ATP2A3: variants seen among roughly 807,000 people sequenced by gnomAD.
ATP2A3 encodes ATPase sarcoplasmic/endoplasmic reticulum Ca2+ transporting 3.
Under a neutral mutation model 106.8 loss-of-function variants are expected in ATP2A3, and 61 were observed. The ratio of observed to expected loss-of-function variants is 0.57; its 90% CI spans 0.46 to 0.71. ATP2A3 has a LOEUF of 0.71. Ranked by LOEUF, ATP2A3 falls within the 30% of genes least tolerant of loss-of-function variation. The pLI is 0.00. For synonymous variants in ATP2A3, 611 were observed against 609.3 expected (o/e 1.00, Z -0.04); for missense variants, 1,201 against 1,423.5 (o/e 0.84, Z 2.52).
Position 3,928,003 on chromosome 17 carries a change from C to A in ATP2A3, c.2980+660G>T. 2 of 1,614,068 alleles carry A rather than the reference C, an allele frequency of 1.2e-6. No homozygotes were observed. The highest frequency in any genetic ancestry group is 8.5e-7 in the Non-Finnish European group (1 of 1,180,026). On this transcript the variant is annotated intron_variant, in intron 20 of 20. Coordinates refer to ENST00000397041, the MANE Select transcript of ATP2A3 (RefSeq NM_005173.4). The surrounding 1 kb of genome is among the most constrained non-coding windows in gnomAD (Gnocchi z 6.1). ...CACCCCTGCTTCCTCCCTCTCTGAG[C>A]AGCTCTGACAGCGAGACGATGCTGT...
rs1356967731 is a variant in ATP2A3, at chr17:3,947,780, G to A, written c.706C>T (p.Arg236Trp). 6.2e-6 allele frequency: 10 copies of A among 1,602,590 alleles called. No individual in the cohort carries two copies. Among genetic ancestry groups the A allele is most frequent in the Admixed American group, 1.7e-5 (1 of 59,988 alleles). ...GGCTCGACTGCCGCCATCTGGCTCC[G>A]GATCTTGCCCAGCTCCGTGTGCAGG... is the stretch of plus-strand genomic sequence containing the variant. ...TGLHTELGKIRSQMAAVEPER... is the reference protein window; with the variant it reads ...TGLHTELGKIWSQMAAVEPER... Residue 236 changes from arginine to tryptophan, a missense_variant, in exon 8 of 21, where the codon CGG (arginine) becomes TGG (tryptophan). By Grantham distance (101) the Arg-to-Trp change is moderately radical. Coordinates refer to ENST00000397041, the MANE Select transcript of ATP2A3 (RefSeq NM_005173.4). The surrounding 1 kb of genome is among the most constrained non-coding windows in gnomAD (Gnocchi z 7.7).
rs141799758 is a variant in ATP2A3 at position 3,925,426 on chromosome 17, T to C, written c.2996A>G (p.Lys999Arg). ...RNHMHEEMSQ[K>R] ...ACTCCACTCTGTTCCCAGCGCTCAC[T>C]TCTGGCTCATTTCTTCTGGAAGAAA... The change falls in exon 21 of 21, where the codon AAG becomes AGG. Residue 999 changes from lysine to arginine, a missense_variant. Coordinates refer to ENST00000397041, the MANE Select transcript of ATP2A3 (RefSeq NM_005173.4). The surrounding 1 kb of genome is among the most constrained non-coding windows in gnomAD (Gnocchi z 4.2). 10 of 1,613,696 alleles carry C rather than the reference T, an allele frequency of 6.2e-6. No individual in the cohort carries two copies. Among genetic ancestry groups the C allele is most frequent in the African/African-American group, 2.7e-5 (2 of 74,888 alleles).
At position 3,964,167 on chromosome 17, in the gene ATP2A3, C is replaced by T; in HGVS notation, c.118+7G>A. On this transcript the variant is annotated splice_region_variant and intron_variant, in intron 1 of 20. Transcript: ENST00000397041. ...GCTCCCCGGCCCGGCCCGGCCCGCG[C>T]GCTCACCGTTGGGGCCGTAGCGCTC... 2 of 1,163,848 alleles carry T rather than the reference C, an allele frequency of 1.7e-6. No individual in the cohort carries two copies. The highest frequency in any genetic ancestry group is 6.4e-5 in the South Asian group (2 of 31,444). The allele number at this position is 1,163,848 out of a possible 1,614,324, so 72.1% of individuals were successfully genotyped here.
chr17:3,947,362 ACAG>A lies in ATP2A3; in HGVS notation c.1095+26_1095+28del. 6.2e-7 allele frequency: 1 copy of A among 1,613,188 alleles called. No individual in the cohort carries two copies. The highest frequency in any genetic ancestry group is 8.5e-7 in the Non-Finnish European group (1 of 1,179,798). On this transcript the variant is annotated intron_variant, in intron 8 of 20. Coordinates refer to ENST00000397041, the MANE Select transcript of ATP2A3 (RefSeq NM_005173.4). The surrounding 1 kb of genome is among the most constrained non-coding windows in gnomAD (Gnocchi z 7.7). ...GGGAGCCCAGCCTGCTCTGCAACGC[ACAG>A]CAACACCAAGCTGGCCGTCACTCAC...
At chr17:3,960,183 C>T (rs1015528309) in intron 1 of ATP2A3, among the ~76,000 whole-genome samples, 2 of 152,222 alleles carry the variant, frequency 1.3e-5, no homozygotes, top group Admixed American at 1.3e-4. Flanking sequence ...TGCCACCCAG[C>T]AAGCAGGGCC....
Position 3,930,159 on chromosome 17 carries a change from CCT to C in ATP2A3, c.2744+140_2744+141del. ...AGACACTGATACTGGAACCCCCAGC[CCT>C]CAGCCCCCACTCCTCGGCCCCAGCT... On this transcript the variant is annotated intron_variant, in intron 18 of 20. Coordinates refer to ENST00000397041, the MANE Select transcript of ATP2A3 (RefSeq NM_005173.4). The surrounding 1 kb of genome is among the most constrained non-coding windows in gnomAD (Gnocchi z 5.4). 7.9e-6 allele frequency: 10 copies of C among 1,264,514 alleles called. No homozygotes were observed. Among genetic ancestry groups the C allele is most frequent in the Non-Finnish European group, 8.7e-6 (8 of 922,760 alleles). The allele number at this position is 1,264,514 out of a possible 1,614,324, so 78.3% of individuals were successfully genotyped here.
At chr17:3,963,181 ACCTTCC>A (rs1418435521) in intron 1 of ATP2A3, among the ~76,000 whole-genome samples, 2 of 152,228 alleles carry the variant, frequency 1.3e-5, no homozygotes, top group African/African-American at 4.8e-5. Context: ...GGGCTAGAAT[ACCTTCC>A]CCTCTGGCTG....
In ATP2A3 at chr17:3,941,036, C is replaced by G; in HGVS notation, c.2035G>C (p.Val679Leu). ...ATGCGGGACTTGTGTGCGGGCTCCA[C>G]GCGGGCGAAGCAGCGGGCGGTGCGG... ...ACRTARCFAR[V>L]EPAHKSRIVE... is the part of the protein sequence containing the mutation. Residue 679 changes from valine (V) to leucine (L), a missense_variant, in exon 14 of 21, where the codon GTG becomes CTG. Val to Leu is a conservative substitution (Grantham distance 32, BLOSUM62 1). This residue lies in a region of ATP2A3 where 935 missense variants were observed against 1,176.7 expected (regional missense o/e 0.79). Coordinates refer to ENST00000397041, the MANE Select transcript of ATP2A3 (RefSeq NM_005173.4). 1 of 1,613,872 alleles carries G rather than the reference C, an allele frequency of 6.2e-7. No individual in the cohort carries two copies. Among genetic ancestry groups the G allele is most frequent in the South Asian group, 1.1e-5 (1 of 91,088 alleles).
At chr17:3,963,903 G>A (rs1597697716) in intron 1 of ATP2A3, among the ~76,000 whole-genome samples, 1 of 152,134 alleles carries the variant, frequency 6.6e-6, no homozygotes, top group Non-Finnish European at 1.5e-5. Context: ...GGACGGGGCC[G>A]GAGTGGAGGT....
At position 3,930,829 on chromosome 17, in the gene ATP2A3, C is replaced by T. The variant is rs191147084; in HGVS notation, c.2611-395G>A. On this transcript the variant is annotated intron_variant, in intron 17 of 20. Transcript: ENST00000397041. This position sits in a 1 kb window ranked among gnomAD's most constrained non-coding sequence, Gnocchi z 5.4. ...TTTGCGGTATAGAAGATGAAGGCTA[C>T]GCAGGCCCTGTTCACTGTTATTAAG... is the stretch of plus-strand genomic sequence containing the variant. 24 of 350,398 alleles carry T rather than the reference C, an allele frequency of 6.8e-5. No individual in the cohort carries two copies. The highest frequency in any genetic ancestry group is 2.8e-4 in the African/African-American group (13 of 46,918). The allele number at this position is 350,398 out of a possible 1,614,324, so 21.7% of individuals were successfully genotyped here. A position where few individuals can be genotyped will look rare whatever the true frequency, so the allele number is the denominator to read the frequency against.
chr17:3,943,558 G>T (rs760260496), intron 10 of ATP2A3, 36 bp from the exon 11 acceptor site: 3 of 1,613,420 alleles, frequency 1.9e-6, no homozygotes, highest in Non-Finnish European at 1.7e-6. Context: ...GTGAGGGGCA[G>T]GCAGCCTCCA....
intron 1 of ATP2A3, 27 bp downstream of exon 1, chr17:3,964,147 C>A: frequency 1.8e-6 from 2 of 1,099,442 alleles, no homozygotes; most frequent in Non-Finnish European, 2.2e-6. Context: ...CCCCCGCTCC[C>A]CGGCCCGGCC....
intron 1 of ATP2A3, among the ~76,000 whole-genome samples, chr17:3,954,205 G>A (rs875992): frequency 1.1e-3 from 174 of 152,076 alleles, no homozygotes; most frequent in South Asian, 2.3e-3. Context: ...GGCGCCTTCC[G>A]CTCACCCTGC....
At position 3,924,413 on chromosome 17, in the gene ATP2A3, GC is replaced by G. The variant is rs1181884490; in HGVS notation, c.*1008del. Reference sequence around the variant, plus strand: ...AGCCATCCTTAGTGACATCCTTTCGGCTCATGGGTGTCGTGGGGAGGGGGCA... The same window carrying G: ...AGCCATCCTTAGTGACATCCTTTCGGTCATGGGTGTCGTGGGGAGGGGGCA... On this transcript the variant is annotated 3_prime_UTR_variant, in exon 21 of 21. Coordinates refer to ENST00000397041, the MANE Select transcript of ATP2A3 (RefSeq NM_005173.4). The surrounding 1 kb of genome is among the most constrained non-coding windows in gnomAD (Gnocchi z 6.4). 9.8e-6 allele frequency: 2 copies of G among 204,340 alleles called. No homozygotes were observed. Among genetic ancestry groups the G allele is most frequent in the Non-Finnish European group, 2.0e-5 (2 of 97,968 alleles). 12.7% of individuals were successfully genotyped at this position (204,340 alleles called of 1,614,324 possible).
At position 3,928,806 on chromosome 17, in the gene ATP2A3, G is replaced by A; in HGVS notation, c.2863-26C>T. 2.6e-6 allele frequency: 4 copies of A among 1,532,446 alleles called. No homozygotes were observed. Among genetic ancestry groups the A allele is most frequent in the Non-Finnish European group, 3.5e-6 (4 of 1,129,844 alleles). 94.9% of individuals were successfully genotyped at this position (1,532,446 alleles called of 1,614,324 possible). On this transcript the variant is annotated intron_variant, in intron 19 of 20. Coordinates refer to ENST00000397041, the MANE Select transcript of ATP2A3 (RefSeq NM_005173.4). This position sits in a 1 kb window ranked among gnomAD's most constrained non-coding sequence, Gnocchi z 6.1. ...CTGGCGGGGAGGGGAAGGGAGGTTT[G>A]GTTAAAGGAAGGACTGGCTGTCCCG...
rs377339352 is a variant in ATP2A3 at position 3,950,562 on chromosome 17, G to A, written c.579C>T (p.Ala193=). 19 of 1,614,052 alleles carry A rather than the reference G, an allele frequency of 1.2e-5. No homozygotes were observed. Among genetic ancestry groups the A allele is most frequent in the Admixed American group, 1.7e-5 (1 of 60,008 alleles). The change falls in exon 7 of 21, where the codon GCC becomes GCT. Residue 193 remains alanine (A), a synonymous_variant. Transcript: ENST00000397041. ...ESVSVTKHTE[A]IPDPRAVNQD... ...GGTTCACAGCTCTGGGGTCTGGGAT[G>A]GCCTCTGTGTGCTTGGTCACGGACA... is the stretch of plus-strand genomic sequence containing the variant.
chr17:3,934,143 T>TGG (rs1441599786), intron 17 of ATP2A3, among the ~76,000 whole-genome samples: 2 of 147,496 alleles, frequency 1.4e-5, no homozygotes, highest in African/African-American at 2.7e-5. Context: ...AGGCTGGTCT[T>TGG]GAACTCCTGA....
Position 3,963,484 on chromosome 17 carries a change from G to A in ATP2A3, c.118+690C>T, listed in dbSNP as rs115928523. On this transcript the variant is annotated intron_variant, in intron 1 of 20. Transcript: ENST00000397041. ...AAGAATCCCACACTCCTTTGAAGGA[G>A]GTGAGGATGAAATGATAGTGAAGCC... Among the ~76,000 whole-genome samples, 1,485 of 152,366 alleles carry A rather than the reference G, an allele frequency of 9.7e-3. 26 individuals are homozygous for A. The highest frequency in any genetic ancestry group is 0.034 in the African/African-American group (1,417 of 41,582).
rs760752188 is a variant in ATP2A3, at chr17:3,958,773, TAC to T, written c.119-5065_119-5064del. On this transcript the variant is annotated intron_variant, in intron 1 of 20. Coordinates refer to ENST00000397041, the MANE Select transcript of ATP2A3 (RefSeq NM_005173.4). ...ACATATATATACACACACATATATA[TAC>T]ACACACATATATATACACATATATA... is the stretch of plus-strand genomic sequence containing the variant. Among the ~76,000 whole-genome samples, 7 of 131,756 alleles carry T rather than the reference TAC, an allele frequency of 5.3e-5. 1 individual carries two copies. The highest frequency in any genetic ancestry group is 9.2e-5 in the African/African-American group (3 of 32,738). The allele number at this position is 131,756 out of a possible 152,430, so 86.4% of individuals were successfully genotyped here.
Sources: allele counts gnomAD v4.1 joint callset (sites outside exome capture counted in the v4.1 genomes callset), GRCh38; gene constraint gnomAD v4.1.1; regional missense constraint gnomAD v4.1.1; non-coding constraint Gnocchi (gnomAD v3.1); transcripts MANE v1.5; gene names NCBI Gene and HGNC (gene_info 2026-07-23, HGNC 2026-07-21).